The following HMCN1 variants were observed in gnomAD, a reference collection of about 807,000 sequenced individuals.
The protein encoded by HMCN1 is hemicentin 1, also known as hemicentin-1.
A neutral mutation model predicts 625.9 loss-of-function variants in HMCN1; 321 were observed. The observed-to-expected ratio is 0.51, with a 90% CI of 0.47 to 0.56. The LOEUF (loss-of-function observed/expected upper bound fraction) is 0.56, where lower values mean the gene tolerates loss of function less well. HMCN1 is among the 20% of genes least tolerant of loss of function. The pLI is 0.00. For missense variants in HMCN1, 6,588 were observed against 6,887.3 expected, an observed-to-expected ratio of 0.96 and a Z score of 1.54; for synonymous variants, 2,425 against 2,417.6, an observed-to-expected ratio of 1.00 and a Z score of -0.09.
rs536570837 is a variant in HMCN1 at position 186,087,841 on chromosome 1, C to G, written c.9364-91C>G. The G allele has an allele frequency of 3.9e-6, 5 of 1,266,916 alleles. No homozygotes were observed. The Admixed American group carries it at 6.9e-5, about 17-fold the overall frequency. 78.5% of individuals were successfully genotyped at this position (1,266,916 alleles called of 1,614,324 possible). ...AATTAGAACTGGGGCATTGAGCATA[C>G]AGATGACTGATGATTTAATCTAAAC... On this transcript the variant is annotated intron_variant, in intron 60 of 106. Transcript: ENST00000271588.
chr1:185,747,210 T>C (rs2102083192), intron 1 of HMCN1, among the ~76,000 whole-genome samples: 1 of 152,310 alleles, frequency 6.6e-6, no homozygotes, highest in South Asian at 2.1e-4. Flanking sequence ...TAAACTCTGA[T>C]CTCTTTTATT....
chr1:185,745,235 A>G (rs1654308661), intron 1 of HMCN1, among the ~76,000 whole-genome samples: 1 of 151,974 alleles, frequency 6.6e-6, no homozygotes, highest in Non-Finnish European at 1.5e-5. Flanking sequence ...GGGAATCGGC[A>G]ATGAAAAAGA....
intron 11 of HMCN1, among the ~76,000 whole-genome samples, chr1:185,959,971 A>G (rs571414180): frequency 3.3e-5 from 5 of 152,270 alleles, no homozygotes; most frequent in East Asian, 1.9e-4. Context: ...AGCAGTTGAA[A>G]TAACTTAGTG....
intron 41 of HMCN1, among the ~76,000 whole-genome samples, chr1:186,047,660 C>T (rs1656664386): frequency 6.6e-6 from 1 of 152,082 alleles, no homozygotes. Flanking sequence ...CCTGTGCATA[C>T]TGACTTTAAG....
chr1:185,876,025 A>G (rs958065639), intron 4 of HMCN1, among the ~76,000 whole-genome samples: 13 of 151,982 alleles, frequency 8.6e-5, no homozygotes, highest in Admixed American at 3.9e-4. Flanking sequence ...CCGAATAGTG[A>G]ACATATACCC....
At chr1:185,865,956 A>G in intron 4 of HMCN1, 93 bp downstream of exon 4, 1 of 1,315,006 alleles carries the variant, frequency 7.6e-7, no homozygotes, top group Non-Finnish European at 1.1e-6. Flanking sequence ...TTTCAAAAAC[A>G]ATTTTAACCA....
At chr1:186,095,667 C>A in intron 68 of HMCN1, 146 bp downstream of exon 68, 1 of 767,900 alleles carries the variant, frequency 1.3e-6, no homozygotes, top group Non-Finnish European at 2.0e-6. Flanking sequence ...TTATAATTCA[C>A]CTTGGCTTAC....
At chr1:186,163,976 A>G (rs1023276106) in intron 97 of HMCN1, among the ~76,000 whole-genome samples, 2 of 152,158 alleles carry the variant, frequency 1.3e-5, no homozygotes, top group African/African-American at 4.8e-5. Flanking sequence ...TTTTTCCACA[A>G]TTATGTCCCC....
At chr1:185,861,661 T>C (rs1212976068) in intron 2 of HMCN1, among the ~76,000 whole-genome samples, 1 of 152,192 alleles carries the variant, frequency 6.6e-6, no homozygotes, top group Non-Finnish European at 1.5e-5. Context: ...ATTACATAAA[T>C]TTTCATTCAA....
intron 18 of HMCN1, among the ~76,000 whole-genome samples, chr1:185,982,809 T>C (rs1281812317): frequency 6.6e-6 from 1 of 152,162 alleles, no homozygotes; most frequent in African/African-American, 2.4e-5. Context: ...TTAATAAATA[T>C]ACAAAAATAT....
intron 36 of HMCN1, 57 bp from the exon 37 acceptor site, chr1:186,037,877 A>C: frequency 9.5e-7 from 1 of 1,050,430 alleles, no homozygotes; most frequent in Non-Finnish European, 1.5e-6. Flanking sequence ...TGAGCAAACA[A>C]TTTCAGCTTA....
At chr1:185,990,571 C>T in intron 22 of HMCN1, 128 bp downstream of exon 22, 1 of 759,078 alleles carries the variant, frequency 1.3e-6, no homozygotes. Context: ...TTCACATGTA[C>T]ATCTGAGTCT....
At chr1:185,864,386 A>C (rs1276644213) in intron 2 of HMCN1, 84 bp from the exon 3 acceptor site, 1 of 1,334,942 alleles carries the variant, frequency 7.5e-7, no homozygotes, top group Non-Finnish European at 1.1e-6. Context: ...GCTCGTTCTA[A>C]AACTCCCAAA....
At position 185,970,409 on chromosome 1, in the gene HMCN1, C is replaced by G. The variant is rs747582812; in HGVS notation, c.2287C>G (p.Gln763Glu). ...GGGACTTTTGAAGATTCAAGAAACA[C>G]AAGATCTGGATGCTGGCGATTATAC... is the stretch of plus-strand genomic sequence containing the variant. The part of the protein sequence containing the change: ...LLGLLKIQET[Q>E]DLDAGDYTCV... The change falls in exon 15 of 107, where the codon CAA (glutamine) becomes GAA (glutamate). Residue 763 changes from glutamine (Q) to glutamate (E), a missense_variant. By Grantham distance (29) the Gln-to-Glu change is conservative (BLOSUM62 2). This residue lies in a region of HMCN1 where 4,628 missense variants were observed against 4,853.1 expected (regional missense o/e 0.95). Transcript: ENST00000271588. 1.9e-6 allele frequency: 3 copies of G among 1,613,410 alleles called. No homozygotes were observed. In the African/African-American group the frequency reaches 4.0e-5, roughly 22 times the overall value.
intron 97 of HMCN1, 110 bp downstream of exon 97, chr1:186,154,097 A>G (rs1650843623): frequency 7.9e-6 from 7 of 889,908 alleles, no homozygotes; most frequent in South Asian, 1.4e-5. Context: ...CAGGTTTTTC[A>G]TGTGTGTTGT....
At chr1:186,070,892 G>A in intron 52 of HMCN1, 135 bp downstream of exon 52, 2 of 897,068 alleles carry the variant, frequency 2.2e-6, no homozygotes, top group East Asian at 5.3e-5. Context: ...CATGCTCCTA[G>A]AATCTAAAAC....
intron 4 of HMCN1, among the ~76,000 whole-genome samples, chr1:185,894,609 C>T (rs1000234787): frequency 6.6e-6 from 1 of 152,148 alleles, no homozygotes. Context: ...TTCCTGTCAC[C>T]CATGTATAAG....
intron 1 of HMCN1, among the ~76,000 whole-genome samples, chr1:185,829,565 A>G (rs926310058): frequency 6.6e-6 from 1 of 152,160 alleles, no homozygotes; most frequent in Non-Finnish European, 1.5e-5. Context: ...AGCTTCATCC[A>G]TGTCCCTGCA....
chr1:185,752,757 C>A (rs939425281), intron 1 of HMCN1, among the ~76,000 whole-genome samples: 6 of 152,066 alleles, frequency 3.9e-5, no homozygotes, highest in African/African-American at 1.2e-4. Context: ...AGATCTTTAC[C>A]AAGTATTCAA....
Sources: allele counts gnomAD v4.1 joint callset (sites outside exome capture counted in the v4.1 genomes callset), GRCh38; gene constraint gnomAD v4.1.1; regional missense constraint gnomAD v4.1.1; transcripts MANE v1.5; gene names NCBI Gene and HGNC (gene_info 2026-07-23, HGNC 2026-07-21).